The following ARMC3 variants were observed in gnomAD, a reference collection of about 807,000 sequenced individuals.
The protein encoded by ARMC3 is armadillo repeat containing 3.
Under a neutral mutation model 90.3 loss-of-function variants are expected in ARMC3, and 74 were observed. That is an observed-to-expected ratio of 0.82 (90% CI 0.68 to 0.99). The LOEUF is 0.99. Among genes scored for constraint, ARMC3 ranks in the 50% least tolerant of loss-of-function variants. ARMC3 has a pLI of 0.00. For synonymous variants in ARMC3, 334 were observed against 361.8 expected (o/e 0.92, Z 0.87); for missense variants, 958 against 1,042.8 (o/e 0.92, Z 1.12).
chr10:22,966,461 C>T (rs957395061), intron 7 of ARMC3, among the ~76,000 whole-genome samples: 2 of 152,204 alleles, frequency 1.3e-5, no homozygotes, highest in Non-Finnish European at 2.9e-5. Context: ...GTCTTCTCCA[C>T]GCATGTATAG....
At chr10:22,986,006 GCTGCC>G (rs1452996725) in intron 10 of ARMC3, among the ~76,000 whole-genome samples, 4 of 151,462 alleles carry the variant, frequency 2.6e-5, no homozygotes, top group Non-Finnish European at 5.9e-5. Context: ...CTCCTTCCCT[GCTGCC>G]CTTTTCACAT....
intron 16 of ARMC3, chr10:23,014,277 G>A: frequency 6.8e-7 from 1 of 1,467,666 alleles, no homozygotes; most frequent in South Asian, 1.3e-5. Flanking sequence ...GATGGTGTCA[G>A]GAAAGTGCCT....
At chr10:22,959,170 A>T in intron 5 of ARMC3, 32 bp downstream of exon 5, 2 of 1,567,396 alleles carry the variant, frequency 1.3e-6, no homozygotes, top group Non-Finnish European at 1.8e-6. Flanking sequence ...GTTTTAAAAA[A>T]TGGAACTGGT....
At chr10:22,961,841 A>C (rs764554689) in intron 6 of ARMC3, 43 bp from the exon 7 acceptor site, 71 of 1,471,838 alleles carry the variant, frequency 4.8e-5, no homozygotes, top group Non-Finnish European at 6.4e-5. Flanking sequence ...TTGAGGATGT[A>C]TTTTGCTTAA....
rs747764467 is a variant in ARMC3 at position 22,946,256 on chromosome 10, T to G, written c.161T>G (p.Leu54Ter). Residue 54 changes from leucine (L) to a stop codon, truncating the protein, a stop_gained, in exon 3 of 19, where the codon TTA (leucine) becomes TGA (stop). Coordinates refer to ENST00000298032, the MANE Select transcript of ARMC3 (RefSeq NM_173081.5). LOFTEE classifies it high-confidence loss of function. ...KACEAIYKFA[L>*]KGEENKTTLL... ...TGTGAAGCCATTTATAAATTTGCTT[T>G]AAAAGGTTTGGATTTTTTTCAGTTT... 6.3e-7 allele frequency: 1 copy of G among 1,595,778 alleles called. No individual in the cohort carries two copies. The highest frequency in any genetic ancestry group is 1.1e-5 in the South Asian group (1 of 88,768).
Position 23,030,769 on chromosome 10 carries a change from T to G in ARMC3, c.2219T>G (p.Ile740Ser). The G allele has an allele frequency of 6.2e-7, 1 of 1,613,614 alleles. No homozygotes were observed. Among genetic ancestry groups the G allele is most frequent in the Non-Finnish European group, 8.5e-7 (1 of 1,179,702 alleles). Reference sequence around the variant, plus strand: ...AAATCAATACTGCCAATAACCAATATTAAGGAACAGATTGAGGATCTGGCA... The same window carrying G: ...AAATCAATACTGCCAATAACCAATAGTAAGGAACAGATTGAGGATCTGGCA... ...VTKSILPITNIKEQIEDLAKY... is the reference protein window; with the variant it reads ...VTKSILPITNSKEQIEDLAKY... Residue 740 changes from isoleucine to serine, a missense_variant, in exon 17 of 19, where the codon ATT becomes AGT. Coordinates refer to ENST00000298032, the MANE Select transcript of ARMC3 (RefSeq NM_173081.5).
intron 13 of ARMC3, among the ~76,000 whole-genome samples, chr10:23,004,794 T>C (rs866383919): frequency 1.3e-3 from 195 of 152,152 alleles, no homozygotes; most frequent in African/African-American, 4.5e-3. Flanking sequence ...CTCCCCCACC[T>C]CCTGCCACCA....
Position 23,005,211 on chromosome 10 carries a change from C to CAA in ARMC3, c.1732-1652_1732-1651dup, listed in dbSNP as rs35706584. Among the ~76,000 whole-genome samples the CAA allele has an allele frequency of 7.4e-3, 445 of 60,090 alleles. 1 individual carries two copies. The highest frequency in any genetic ancestry group is 0.011 in the African/African-American group (209 of 19,002). 39.4% of individuals were successfully genotyped at this position (60,090 alleles called of 152,430 possible). ...CTGGGCGACAGAGCTAGACTCGTCTCAAAAAAAAAAAAAAAAAAAAAACCA... is the reference window on the plus strand; with the variant it reads ...CTGGGCGACAGAGCTAGACTCGTCTCAAAAAAAAAAAAAAAAAAAAAAAACCA... On this transcript the variant is annotated intron_variant, in intron 13 of 18. Transcript: ENST00000298032.
At chr10:22,960,867 C>G (rs1835160759) in intron 6 of ARMC3, 1 of 152,400 alleles carries the variant, frequency 6.6e-6, no homozygotes, top group South Asian at 2.1e-4. Context: ...TAGTGGCCAT[C>G]CATTGGTGGC....
chr10:22,992,531 C>A (rs1382578), intron 10 of ARMC3, among the ~76,000 whole-genome samples: 3,356 of 152,120 alleles, frequency 0.022, 123 homozygotes, highest in African/African-American at 0.076. Flanking sequence ...TAAGCATAAG[C>A]CTACAATTAA....
intron 16 of ARMC3, among the ~76,000 whole-genome samples, chr10:23,011,728 T>G (rs867400710): frequency 6.6e-6 from 1 of 152,196 alleles, no homozygotes; most frequent in Admixed American, 6.5e-5. Flanking sequence ...GACCTTGGTT[T>G]GCTAAGGGAC....
At chr10:23,010,905 T>C (rs72812477) in intron 16 of ARMC3, among the ~76,000 whole-genome samples, 12,586 of 19,862 alleles carry the variant, frequency 0.63, 3,753 homozygotes, top group African/African-American at 0.69. Flanking sequence ...CTTCCCTTCC[T>C]TCCCCTCTTC....
chr10:23,010,900 C>A (rs1427842194), intron 16 of ARMC3, among the ~76,000 whole-genome samples: 1 of 44,442 alleles, frequency 2.3e-5, no homozygotes, highest in African/African-American at 4.9e-5. Flanking sequence ...CACTCCTTCC[C>A]TTCCTTCCCC....
At chr10:23,021,956 A>C (rs1838530958) in intron 16 of ARMC3, among the ~76,000 whole-genome samples, 1 of 151,982 alleles carries the variant, frequency 6.6e-6, no homozygotes, top group African/African-American at 2.4e-5. Context: ...TCAGAGCAAA[A>C]GTTTTTAATT....
chr10:22,948,314 C>T (rs1314760933), intron 3 of ARMC3, among the ~76,000 whole-genome samples: 1 of 152,116 alleles, frequency 6.6e-6, no homozygotes, highest in African/African-American at 2.4e-5. Flanking sequence ...AGTCATTATA[C>T]ATCATCTGGC....
At chr10:22,992,591 AAAG>A (rs1234588887) in intron 10 of ARMC3, among the ~76,000 whole-genome samples, 1 of 152,188 alleles carries the variant, frequency 6.6e-6, no homozygotes, top group Non-Finnish European at 1.5e-5. Context: ...TATTTCTTTA[AAAG>A]AAGAACATTC....
At chr10:22,988,753 A>G (rs1836571758) in intron 10 of ARMC3, among the ~76,000 whole-genome samples, 1 of 152,232 alleles carries the variant, frequency 6.6e-6, no homozygotes, top group Admixed American at 6.5e-5. Flanking sequence ...ACCCTTTGAA[A>G]AATAAATGTT....
intron 1 of ARMC3, among the ~76,000 whole-genome samples, chr10:22,931,246 G>A (rs9730948): frequency 0.063 from 9,545 of 152,212 alleles, 412 homozygotes; most frequent in Middle Eastern, 0.14. Context: ...TTTGAACCCA[G>A]GCTGGTTACT....
At chr10:23,007,540 T>C (rs751887399) in intron 14 of ARMC3, among the ~76,000 whole-genome samples, 2 of 151,810 alleles carry the variant, frequency 1.3e-5, no homozygotes, top group Non-Finnish European at 2.9e-5. Context: ...TACTAAAAAA[T>C]ACAAAAATTA....
Sources: gnomAD v4.1 joint callset for allele counts (sites outside exome capture counted in the v4.1 genomes callset) on GRCh38, gnomAD v4.1.1 for gene constraint, MANE v1.5 for transcripts, NCBI Gene and HGNC (gene_info 2026-07-23, HGNC 2026-07-21) for gene names.